NOS1AP: variants seen among roughly 807,000 people sequenced by gnomAD.
NOS1AP encodes the protein carboxyl-terminal PDZ ligand of neuronal nitric oxide synthase protein.
A neutral mutation model predicts 56.2 loss-of-function variants in NOS1AP; 21 were observed. The ratio of observed to expected loss-of-function variants is 0.37; its 90% CI spans 0.26 to 0.54. The LOEUF (loss-of-function observed/expected upper bound fraction) is 0.54. Ranked by LOEUF, NOS1AP falls within the 20% of genes least tolerant of loss-of-function variation. NOS1AP has a pLI of 0.84. For missense variants in NOS1AP, 522 were observed against 657.8 expected (o/e 0.79, Z 2.26); for synonymous variants, 270 against 274.6 (o/e 0.98, Z 0.17).
At chr1:162,251,875 T>G (rs1350070112) in intron 2 of NOS1AP, among the ~76,000 whole-genome samples, 6 of 136,264 alleles carry the variant, frequency 4.4e-5, no homozygotes, top group South Asian at 2.5e-4. Flanking sequence ...TTTTGTTTTT[T>G]TTTTTTTTTT....
intron 4 of NOS1AP, among the ~76,000 whole-genome samples, chr1:162,313,774 G>C (rs567158107): frequency 4.6e-5 from 7 of 152,312 alleles, no homozygotes; most frequent in Non-Finnish European, 8.8e-5. Context: ...TCTGAATATA[G>C]AGTAAATGAG....
rs572855434 is a variant in NOS1AP, at chr1:162,155,931, T to C, written c.177+1455T>C. Among the ~76,000 whole-genome samples the C allele has an allele frequency of 3.9e-5, 6 of 152,344 alleles. 1 individual carries two copies. The South Asian group carries it at 1.2e-3, about 32-fold the overall frequency. On this transcript the variant is annotated intron_variant, in intron 2 of 9. Transcript: ENST00000361897. The stretch of plus-strand genomic sequence containing the variant: ...CTGTAGAATAATCTACTCACCTAAA[T>C]GGAAAAACATGTAGGTGATGCTGTA...
At chr1:162,246,829 G>A (rs925586560) in intron 2 of NOS1AP, among the ~76,000 whole-genome samples, 3 of 152,106 alleles carry the variant, frequency 2.0e-5, no homozygotes, top group African/African-American at 7.2e-5. Flanking sequence ...GAATGGGTAT[G>A]GCCAGTTTGT....
chr1:162,123,699 A>C (rs1648347531), intron 1 of NOS1AP, among the ~76,000 whole-genome samples: 1 of 152,162 alleles, frequency 6.6e-6, no homozygotes, highest in Admixed American at 6.5e-5. Context: ...GAAAATTACA[A>C]AAATAGGATG....
intron 2 of NOS1AP, among the ~76,000 whole-genome samples, chr1:162,286,982 A>G (rs995491460): frequency 6.6e-6 from 1 of 152,232 alleles, no homozygotes; most frequent in African/African-American, 2.4e-5. Context: ...TAGTTTCTGT[A>G]GCCTTTGATG....
chr1:162,361,863 T>A (rs564323105), intron 8 of NOS1AP, among the ~76,000 whole-genome samples: 1 of 152,320 alleles, frequency 6.6e-6, no homozygotes, highest in South Asian at 2.1e-4. Flanking sequence ...GAGGGGACTT[T>A]TCCTTCACCC....
At position 162,343,852 on chromosome 1, in the gene NOS1AP, C is replaced by A; in HGVS notation, c.471C>A (p.Ile157=). The A allele has an allele frequency of 1.2e-6, 2 of 1,614,154 alleles. No individual in the cohort carries two copies. Among genetic ancestry groups the A allele is most frequent in the Admixed American group, 1.7e-5 (1 of 60,020 alleles). Reference sequence around the variant, plus strand: ...CTTCCCAGAGCCAAGCTATGAGAATCGTTCGGACGGTGGGGCAGGCCTTTG... The same window carrying A: ...CTTCCCAGAGCCAAGCTATGAGAATAGTTCGGACGGTGGGGCAGGCCTTTG... ...KSKKKSQAMR[I]VRTVGQAFEV... Residue 157 remains isoleucine (I), a synonymous_variant, in exon 6 of 10, where the codon ATC becomes ATA. Coordinates refer to ENST00000361897, the MANE Select transcript of NOS1AP (RefSeq NM_014697.3).
Position 162,367,492 on chromosome 1 carries a change from C to T in NOS1AP, c.*25C>T, listed in dbSNP as rs769423337. ...GGTGCCGAGGGCGAGGAGATGGAGG[C>T]GGCGGCGTGGCTGGAGGGGCCGTGT... On this transcript the variant is annotated 3_prime_UTR_variant, in exon 10 of 10. Coordinates refer to ENST00000361897, the MANE Select transcript of NOS1AP (RefSeq NM_014697.3). The surrounding 1 kb of genome is among the most constrained non-coding windows in gnomAD (Gnocchi z 6.5). The T allele has an allele frequency of 1.4e-5, 21 of 1,529,850 alleles. No individual in the cohort carries two copies. In the South Asian group the frequency reaches 2.0e-4, roughly 15 times the overall value. The allele number at this position is 1,529,850 out of a possible 1,614,324, so 94.8% of individuals were successfully genotyped here. A position where few individuals can be genotyped will look rare whatever the true frequency, so the allele number is the denominator to read the frequency against.
At chr1:162,141,593 C>T (rs769157962) in intron 1 of NOS1AP, among the ~76,000 whole-genome samples, 6 of 152,210 alleles carry the variant, frequency 3.9e-5, no homozygotes, top group South Asian at 2.1e-4. Flanking sequence ...CCCTCACCTC[C>T]GTCTCCTTTC....
chr1:162,199,869 G>A (rs1352152094), intron 2 of NOS1AP, among the ~76,000 whole-genome samples: 3 of 152,168 alleles, frequency 2.0e-5, no homozygotes, highest in Admixed American at 6.5e-5. Flanking sequence ...TGGGAATTCC[G>A]TATGGAAATG....
intron 2 of NOS1AP, among the ~76,000 whole-genome samples, chr1:162,268,813 A>G (rs182602299): frequency 3.3e-5 from 5 of 152,286 alleles, no homozygotes; most frequent in African/African-American, 1.2e-4. Flanking sequence ...AAAAAAGAAG[A>G]AAACAAAAAA....
intron 2 of NOS1AP, among the ~76,000 whole-genome samples, chr1:162,261,875 A>T (rs1654253868): frequency 6.6e-6 from 1 of 152,162 alleles, no homozygotes; most frequent in South Asian, 2.1e-4. Context: ...AATCCAGTGT[A>T]TTAGGTACTG....
At chr1:162,152,997 A>G (rs1174017921) in intron 1 of NOS1AP, among the ~76,000 whole-genome samples, 2 of 152,204 alleles carry the variant, frequency 1.3e-5, no homozygotes, top group African/African-American at 4.8e-5. Context: ...GCAAGTCCCA[A>G]TGAATCAGTG....
chr1:162,263,061 C>G (rs1654291120), intron 2 of NOS1AP, among the ~76,000 whole-genome samples: 1 of 152,186 alleles, frequency 6.6e-6, no homozygotes, highest in East Asian at 1.9e-4. Context: ...TTTGTCACAA[C>G]TGGTTATCAT....
chr1:162,301,382 G>T (rs1319283418), intron 4 of NOS1AP, among the ~76,000 whole-genome samples: 1 of 152,168 alleles, frequency 6.6e-6, no homozygotes, highest in Non-Finnish European at 1.5e-5. Flanking sequence ...GCTAGAAGGT[G>T]GGCCCTCACT....
At chr1:162,153,014 G>A (rs1186812396) in intron 1 of NOS1AP, among the ~76,000 whole-genome samples, 1 of 152,144 alleles carries the variant, frequency 6.6e-6, no homozygotes, top group Non-Finnish European at 1.5e-5. Flanking sequence ...AGTGTGTAAT[G>A]GGATGGTGTA....
At chr1:162,339,672 C>A (rs1165476982) in intron 5 of NOS1AP, among the ~76,000 whole-genome samples, 2 of 152,230 alleles carry the variant, frequency 1.3e-5, no homozygotes, top group African/African-American at 4.8e-5. Context: ...CTCTTGGGTG[C>A]AGACATGGCT....
chr1:162,105,882 G>A (rs888651288), intron 1 of NOS1AP, among the ~76,000 whole-genome samples: 5 of 152,254 alleles, frequency 3.3e-5, no homozygotes, highest in Admixed American at 1.3e-4. Flanking sequence ...AAGCCAGTGG[G>A]TCTCAATCCA....
chr1:162,255,354 CTG>C (rs1381297755), intron 2 of NOS1AP, among the ~76,000 whole-genome samples: 1 of 152,176 alleles, frequency 6.6e-6, no homozygotes, highest in Non-Finnish European at 1.5e-5. Flanking sequence ...CCTGGCCAAA[CTG>C]AATTCAGTGT....
Sources: gnomAD v4.1 joint callset for allele counts (sites outside exome capture counted in the v4.1 genomes callset) on GRCh38, gnomAD v4.1.1 for gene constraint, Gnocchi (gnomAD v3.1) non-coding constraint, MANE v1.5 for transcripts, NCBI Gene and HGNC (gene_info 2026-07-23, HGNC 2026-07-21) for gene names.